GPSM2: variants seen among roughly 807,000 people sequenced by gnomAD.
The protein encoded by GPSM2 is G protein signaling modulator 2, also known as G protein-signaling modulator 2.
In GPSM2, 58 loss-of-function variants were observed where a neutral mutation model predicts 78.4. The observed-to-expected ratio is 0.74, with a 90% CI of 0.60 to 0.92. GPSM2 has a LOEUF of 0.92. Ranked by LOEUF, GPSM2 falls within the 40% of genes least tolerant of loss-of-function variation. The pLI, the probability that GPSM2 is intolerant of heterozygous loss-of-function variation, is 0.00. For missense variants in GPSM2, 700 were observed against 815.5 expected (o/e 0.86, Z 1.73); for synonymous variants, 224 against 280.2 (o/e 0.80, Z 2.00).
intron 1 of GPSM2, among the ~76,000 whole-genome samples, chr1:108,879,680 ATAGT>A (rs1410628920): frequency 6.6e-6 from 1 of 152,134 alleles, no homozygotes; most frequent in Non-Finnish European, 1.5e-5. Context: ...TAAAAATACA[ATAGT>A]TAGCCCAGTG....
chr1:108,883,879 A>C (rs1415290599), intron 1 of GPSM2, among the ~76,000 whole-genome samples: 1 of 151,994 alleles, frequency 6.6e-6, no homozygotes, highest in African/African-American at 2.4e-5. Flanking sequence ...TTAGCTGCTT[A>C]ACTAGTACAT....
At position 108,934,533 on chromosome 1, in the gene GPSM2, G is replaced by T; in HGVS notation, c.*4593G>T. 2.1e-6 allele frequency: 2 copies of T among 957,914 alleles called. No homozygotes were observed. The highest frequency in any genetic ancestry group is 3.0e-6 in the Non-Finnish European group (2 of 660,908). The allele number at this position is 957,914 out of a possible 1,614,324, so 59.3% of individuals were successfully genotyped here. A position where few individuals can be genotyped will look rare whatever the true frequency, so the allele number is the denominator to read the frequency against. ...TCTAATTGTCAGTAAAAATGTGAAT[G>T]TTGAAGTTGAAATGTGAATGTTGAA... On this transcript the variant is annotated 3_prime_UTR_variant, in exon 15 of 15. Coordinates refer to ENST00000264126, the MANE Select transcript of GPSM2 (RefSeq NM_013296.5).
At chr1:108,888,528 T>C (rs748175981) in intron 2 of GPSM2, among the ~76,000 whole-genome samples, 2 of 152,206 alleles carry the variant, frequency 1.3e-5, no homozygotes, top group Non-Finnish European at 2.9e-5. Context: ...TTTGTGAAGA[T>C]GCGATCTCAC....
intron 12 of GPSM2, among the ~76,000 whole-genome samples, chr1:108,919,261 G>C (rs1650519436): frequency 6.6e-6 from 1 of 152,110 alleles, no homozygotes; most frequent in Non-Finnish European, 1.5e-5. Context: ...GCCTGCCTTG[G>C]CCTCCCAAAG....
rs896335186 is a variant in GPSM2, at chr1:108,884,330, AG to A, written c.-248-943del. On this transcript the variant is annotated intron_variant, in intron 1 of 14. Coordinates refer to ENST00000264126, the MANE Select transcript of GPSM2 (RefSeq NM_013296.5). ...GGGGCAGGGTCTTGCTCTGTCAACC[AG>A]GCTGGAGTGCAGTGGCATGAATATT... 7.9e-5 allele frequency among the ~76,000 whole-genome samples: 12 copies of A among 152,166 alleles called. 1 individual carries two copies. Among genetic ancestry groups the A allele is most frequent in the Admixed American group, 1.3e-4 (2 of 15,276 alleles).
At chr1:108,925,824 GTTTT>G (rs371937560) in intron 14 of GPSM2, among the ~76,000 whole-genome samples, 1 of 146,878 alleles carries the variant, frequency 6.8e-6, no homozygotes, top group Non-Finnish European at 1.5e-5. Context: ...CAAATGTGGG[GTTTT>G]TTTTTTTCTT....
At chr1:108,888,802 G>A (rs546170738) in intron 2 of GPSM2, among the ~76,000 whole-genome samples, 5 of 152,256 alleles carry the variant, frequency 3.3e-5, no homozygotes, top group African/African-American at 9.6e-5. Context: ...AATAGTTCAC[G>A]TTAGGAAGGT....
chr1:108,900,813 T>C (rs1648749226), intron 7 of GPSM2, among the ~76,000 whole-genome samples: 1 of 152,212 alleles, frequency 6.6e-6, no homozygotes, highest in African/African-American at 2.4e-5. Context: ...GTGACAGATT[T>C]GAAGGTATCA....
In GPSM2 at chr1:108,930,944, T is replaced by TAAGA. The variant is rs1651849951; in HGVS notation, c.*1005_*1008dup. 6.3e-6 allele frequency: 1 copy of TAAGA among 159,204 alleles called. No homozygotes were observed. Among genetic ancestry groups the TAAGA allele is most frequent in the African/African-American group, 2.5e-5 (1 of 40,768 alleles). 9.9% of individuals were successfully genotyped at this position (159,204 alleles called of 1,614,324 possible). ...GCACACACCTGTAGTCCCAACTGCTTAAGAGGCTGAGGCAGGAGGACCACT... is the reference window on the plus strand; with the variant it reads ...GCACACACCTGTAGTCCCAACTGCTTAAGAAAGAGGCTGAGGCAGGAGGACCACT... On this transcript the variant is annotated 3_prime_UTR_variant, in exon 15 of 15. Coordinates refer to ENST00000264126, the MANE Select transcript of GPSM2 (RefSeq NM_013296.5).
chr1:108,881,591 T>G (rs1041553291), intron 1 of GPSM2, among the ~76,000 whole-genome samples: 2 of 152,218 alleles, frequency 1.3e-5, no homozygotes, highest in South Asian at 2.1e-4. Flanking sequence ...ATTGCTTGTT[T>G]GTTCAGTGAA....
rs1650956986 is a variant in GPSM2, at chr1:108,924,196, C to T, written c.1797C>T (p.Asp599=). 3 of 1,609,902 alleles carry T rather than the reference C, an allele frequency of 1.9e-6. No individual in the cohort carries two copies. Among genetic ancestry groups the T allele is most frequent in the African/African-American group, 1.3e-5 (1 of 74,802 alleles). ...AAGAGGCTGATGAAGATTTCTTTGA[C>T]ATCCTTGTAAAATGTCAAGTATGTC... ...DNKEADEDFF[D]ILVKCQGSRL... is the part of the protein sequence containing the mutation. The change falls in exon 14 of 15, where the codon GAC becomes GAT. Residue 599 remains aspartate, a synonymous_variant. Transcript: ENST00000264126.
chr1:108,934,308 T>G lies in GPSM2; in HGVS notation c.*4368T>G. 4.9e-6 allele frequency: 1 copy of G among 204,850 alleles called. No homozygotes were observed. Among genetic ancestry groups the G allele is most frequent in the Non-Finnish European group, 1.0e-5 (1 of 100,338 alleles). The allele number at this position is 204,850 out of a possible 1,614,324, so 12.7% of individuals were successfully genotyped here. A position where few individuals can be genotyped will look rare whatever the true frequency, so the allele number is the denominator to read the frequency against. ...GGATTCACTAGGCAATGTAAATTGG[T>G]TAGTGGGTTCCCGTAAGTGCCTGTA... On this transcript the variant is annotated 3_prime_UTR_variant, in exon 15 of 15. Coordinates refer to ENST00000264126, the MANE Select transcript of GPSM2 (RefSeq NM_013296.5).
intron 11 of GPSM2, among the ~76,000 whole-genome samples, chr1:108,917,430 G>A (rs1446864384): frequency 6.6e-6 from 1 of 150,928 alleles, no homozygotes; most frequent in Non-Finnish European, 1.5e-5. Context: ...AGCCGGGCAT[G>A]GTGGTGGGCA....
intron 10 of GPSM2, among the ~76,000 whole-genome samples, chr1:108,908,797 G>C (rs1248878993): frequency 6.8e-6 from 1 of 148,010 alleles, no homozygotes; most frequent in Non-Finnish European, 1.5e-5. Flanking sequence ...TTGAGCCCAG[G>C]AGTTTAGACC....
At chr1:108,900,863 AG>A (rs1648752314) in intron 7 of GPSM2, among the ~76,000 whole-genome samples, 1 of 152,340 alleles carries the variant, frequency 6.6e-6, no homozygotes, top group East Asian at 1.9e-4. Flanking sequence ...GCTTAAAAAA[AG>A]CTATCACGTT....
chr1:108,878,069 G>A (rs1665720105), intron 1 of GPSM2, among the ~76,000 whole-genome samples: 1 of 152,172 alleles, frequency 6.6e-6, no homozygotes, highest in Non-Finnish European at 1.5e-5. Context: ...ACAGAGCTGA[G>A]TTTTCAAGCT....
intron 10 of GPSM2, among the ~76,000 whole-genome samples, chr1:108,904,631 T>C (rs985178840): frequency 6.6e-6 from 1 of 151,898 alleles, no homozygotes; most frequent in African/African-American, 2.4e-5. Context: ...TTATCCTTTT[T>C]ATCTCATATC....
At chr1:108,928,360 G>A (rs1231908580) in intron 14 of GPSM2, among the ~76,000 whole-genome samples, 2 of 152,186 alleles carry the variant, frequency 1.3e-5, no homozygotes, top group Non-Finnish European at 2.9e-5. Flanking sequence ...AACTAAGTGA[G>A]GAAGTCTAGG....
rs746051536 is a variant in GPSM2, at chr1:108,922,529, C to T, written c.1553C>T (p.Thr518Ile). The change falls in exon 13 of 15, where the codon ACA (threonine) becomes ATA (isoleucine). Residue 518 changes from threonine (T) to isoleucine (I), a missense_variant. Physicochemically the swap from Thr to Ile is moderately conservative, Grantham distance 89. Transcript: ENST00000264126. ...TGCTTACAAGAAAAGAACTGCCATA[C>T]AGCTTCAACAACAACTTCTTCCACT... is the stretch of plus-strand genomic sequence containing the variant. ...RCCLQEKNCHTASTTTSSTPP... is the reference protein window; with the variant it reads ...RCCLQEKNCHIASTTTSSTPP... The T allele has an allele frequency of 5.3e-5, 84 of 1,592,054 alleles. 1 individual carries two copies. The highest frequency in any genetic ancestry group is 6.6e-5 in the Non-Finnish European group (77 of 1,174,104).
Sources: allele counts gnomAD v4.1 joint callset (sites outside exome capture counted in the v4.1 genomes callset), GRCh38; gene constraint gnomAD v4.1.1; transcripts MANE v1.5; gene names NCBI Gene and HGNC (gene_info 2026-07-23, HGNC 2026-07-21).